Variants in CDH4 observed in about 807,000 individuals in gnomAD.
The protein encoded by CDH4 is cadherin-4.
A neutral mutation model predicts 86.0 loss-of-function variants in CDH4; 33 were observed. That is an observed-to-expected ratio of 0.38 (90% CI 0.29 to 0.51). The LOEUF (loss-of-function observed/expected upper bound fraction) is 0.51, where lower values mean the gene tolerates loss of function less well. CDH4 is among the 20% of genes least tolerant of loss of function. The pLI, the probability that CDH4 is intolerant of heterozygous loss-of-function variation, is 0.86. For synonymous variants in CDH4, 555 were observed against 549.4 expected, an observed-to-expected ratio of 1.01 and a Z score of -0.14; for missense variants, 1,114 against 1,307.4, an observed-to-expected ratio of 0.85 and a Z score of 2.28.
chr20:61,532,510 C>T (rs986689296), intron 2 of CDH4, among the ~76,000 whole-genome samples: 14 of 152,142 alleles, frequency 9.2e-5, no homozygotes, highest in African/African-American at 2.4e-4. Flanking sequence ...ATCTCACCAC[C>T]GTTCAGTAAC....
At chr20:61,563,990 G>T (rs187393812) in intron 2 of CDH4, among the ~76,000 whole-genome samples, 63 of 152,144 alleles carry the variant, frequency 4.1e-4, no homozygotes, top group Admixed American at 1.2e-3. Flanking sequence ...GACTAATTCT[G>T]CCCTCTCCTT....
At chr20:61,706,364 G>A (rs538849762) in intron 2 of CDH4, among the ~76,000 whole-genome samples, 19 of 152,260 alleles carry the variant, frequency 1.2e-4, no homozygotes, top group African/African-American at 3.9e-4. Flanking sequence ...ACCACCACCC[G>A]AGGCACCGAC....
At chr20:61,730,904 T>TGGATTGGGTCAGGCAGAATTGGGGTC (rs1568782884) in intron 2 of CDH4, among the ~76,000 whole-genome samples, 7 of 152,090 alleles carry the variant, frequency 4.6e-5, no homozygotes, top group South Asian at 2.1e-4. Context: ...CGGCGGGGTC[T>TGGATTGGGTCAGGCAGAATTGGGGTC]GGGATGGATT....
chr20:61,519,423 G>T (rs939413690), intron 2 of CDH4, among the ~76,000 whole-genome samples: 1 of 152,240 alleles, frequency 6.6e-6, no homozygotes, highest in African/African-American at 2.4e-5. Context: ...GGTGCCGGCG[G>T]GAGGTCCTCT....
intron 3 of CDH4, among the ~76,000 whole-genome samples, chr20:61,764,423 C>A (rs569893136): frequency 7.2e-5 from 11 of 152,286 alleles, no homozygotes; most frequent in African/African-American, 2.2e-4. Context: ...GTGACTGTAT[C>A]CCTGGGAAGA....
At chr20:61,927,918 G>A (rs1041849897) in intron 11 of CDH4, among the ~76,000 whole-genome samples, 7 of 152,218 alleles carry the variant, frequency 4.6e-5, no homozygotes, top group African/African-American at 1.2e-4. Context: ...GGGTGTGGCC[G>A]TGTGCTTTGC....
chr20:61,394,141 C>T (rs1834454584), intron 2 of CDH4, among the ~76,000 whole-genome samples: 1 of 152,176 alleles, frequency 6.6e-6, no homozygotes, highest in Non-Finnish European at 1.5e-5. Context: ...GTTCGTGTCT[C>T]AGGTTCAGCC....
intron 2 of CDH4, among the ~76,000 whole-genome samples, chr20:61,726,934 A>G (rs2088120932): frequency 6.6e-6 from 1 of 152,048 alleles, no homozygotes. Context: ...CATTGCTGCC[A>G]TCATCACCAT....
At chr20:61,675,018 G>A (rs879679800) in intron 2 of CDH4, among the ~76,000 whole-genome samples, 3 of 152,232 alleles carry the variant, frequency 2.0e-5, no homozygotes, top group Non-Finnish European at 4.4e-5. Context: ...TGTACTGCCT[G>A]ATCCATTACA....
intron 4 of CDH4, among the ~76,000 whole-genome samples, chr20:61,808,688 C>G (rs1980268973): frequency 6.6e-6 from 1 of 152,244 alleles, no homozygotes; most frequent in Non-Finnish European, 1.5e-5. Flanking sequence ...GAGCCTGCAA[C>G]TGCCTTTCCA....
chr20:61,854,396 G>A (rs1284259148), intron 6 of CDH4, among the ~76,000 whole-genome samples: 1 of 151,976 alleles, frequency 6.6e-6, no homozygotes, highest in African/African-American at 2.4e-5. Context: ...AGTGTGAACA[G>A]GGTGAATTGC....
At chr20:61,646,223 G>A (rs749664039) in intron 2 of CDH4, among the ~76,000 whole-genome samples, 23 of 151,960 alleles carry the variant, frequency 1.5e-4, no homozygotes, top group Non-Finnish European at 3.1e-4. Context: ...GCCTCTTCAC[G>A]CTGCCTGGAT....
At chr20:61,405,711 T>C (rs990738994) in intron 2 of CDH4, among the ~76,000 whole-genome samples, 3 of 150,286 alleles carry the variant, frequency 2.0e-5, no homozygotes, top group African/African-American at 7.4e-5. Flanking sequence ...TTTTTTTTTT[T>C]GAGACAGAGT....
At position 61,846,523 on chromosome 20, in the gene CDH4, G is replaced by C. The variant is rs772289486; in HGVS notation, c.732+1700G>C. 2.0e-5 allele frequency among the ~76,000 whole-genome samples: 3 copies of C among 151,778 alleles called. No homozygotes were observed. The South Asian group carries it at 6.2e-4, about 32-fold the overall frequency. Reference sequence around the variant, plus strand: ...AGACACAGACACACACACACACACAGAGATAGAGATACAGAGACAGAGAGG... The same window carrying C: ...AGACACAGACACACACACACACACACAGATAGAGATACAGAGACAGAGAGG... On this transcript the variant is annotated intron_variant, in intron 5 of 15. Coordinates refer to ENST00000614565, the MANE Select transcript of CDH4 (RefSeq NM_001794.5).
At chr20:61,322,641 C>T (rs559147213) in intron 2 of CDH4, among the ~76,000 whole-genome samples, 2 of 152,316 alleles carry the variant, frequency 1.3e-5, no homozygotes, top group African/African-American at 4.8e-5. Context: ...TGTCCCAGAG[C>T]CCTTTCCAGG....
chr20:61,404,361 A>G (rs2085067739), intron 2 of CDH4, among the ~76,000 whole-genome samples: 1 of 152,132 alleles, frequency 6.6e-6, no homozygotes, highest in Non-Finnish European at 1.5e-5. Context: ...TAATTTGTTT[A>G]ATTTTCACAC....
At chr20:61,731,425 A>G (rs1251352063) in intron 2 of CDH4, among the ~76,000 whole-genome samples, 1 of 152,108 alleles carries the variant, frequency 6.6e-6, no homozygotes, top group Non-Finnish European at 1.5e-5. Flanking sequence ...GGGTATGCTC[A>G]GTCAGGATGA....
intron 4 of CDH4, among the ~76,000 whole-genome samples, chr20:61,773,614 T>TC (rs1280295083): frequency 6.6e-6 from 1 of 152,204 alleles, no homozygotes; most frequent in East Asian, 1.9e-4. Context: ...AAGTTCTTGG[T>TC]CCCCGAGCTC....
At chr20:61,698,814 C>T (rs777247323) in intron 2 of CDH4, among the ~76,000 whole-genome samples, 26 of 152,332 alleles carry the variant, frequency 1.7e-4, no homozygotes, top group Middle Eastern at 3.4e-3. Context: ...GGAAGGAACC[C>T]GAGCTTGGAT....
Sources: allele counts gnomAD v4.1 joint callset (sites outside exome capture counted in the v4.1 genomes callset), GRCh38; gene constraint gnomAD v4.1.1; transcripts MANE v1.5; gene names NCBI Gene and HGNC (gene_info 2026-07-23, HGNC 2026-07-21).